ADAMTS9: variants seen among roughly 807,000 people sequenced by gnomAD.
ADAMTS9 encodes A disintegrin and metalloproteinase with thrombospondin motifs 9.
In ADAMTS9, 107 loss-of-function variants were observed where a neutral mutation model predicts 257.1. The observed-to-expected ratio is 0.42, with a 90% CI of 0.36 to 0.49. The LOEUF (loss-of-function observed/expected upper bound fraction) is 0.49. ADAMTS9 is among the 20% of genes least tolerant of loss of function. The pLI is 0.03. For missense variants in ADAMTS9, 2,353 were observed against 2,469.1 expected (o/e 0.95, Z 1.00); for synonymous variants, 982 against 880.9 (o/e 1.11, Z -2.03).
intron 23 of ADAMTS9, among the ~76,000 whole-genome samples, chr3:64,604,852 A>G (rs576918942): frequency 1.1e-4 from 16 of 152,366 alleles, no homozygotes; most frequent in Non-Finnish European, 1.9e-4. Flanking sequence ...GACTTCATAT[A>G]ACACCCCTCA....
At position 64,516,774 on chromosome 3, in the gene ADAMTS9, T is replaced by C. The variant is rs1010988343; in HGVS notation, c.*353A>G. The stretch of plus-strand genomic sequence containing the variant: ...CAATAAAACATTTACAGATGAAAAG[T>C]AAACAATAGTGTACCGTGATAATGA... On this transcript the variant is annotated 3_prime_UTR_variant, in exon 40 of 40. Transcript: ENST00000498707. 1.3e-5 allele frequency: 2 copies of C among 152,614 alleles called. No individual in the cohort carries two copies. The highest frequency in any genetic ancestry group is 1.3e-4 in the Admixed American group (2 of 15,276). The allele number at this position is 152,614 out of a possible 1,614,324, so 9.5% of individuals were successfully genotyped here.
chr3:64,671,471 A>T (rs1701485922), intron 3 of ADAMTS9, among the ~76,000 whole-genome samples: 1 of 152,220 alleles, frequency 6.6e-6, no homozygotes, highest in South Asian at 2.1e-4. Context: ...AGAAAAATGG[A>T]AGGAAAACAC....
intron 30 of ADAMTS9, among the ~76,000 whole-genome samples, chr3:64,559,760 T>G (rs2083389194): frequency 6.6e-6 from 1 of 152,242 alleles, no homozygotes; most frequent in African/African-American, 2.4e-5. Context: ...TTCTTCGGGA[T>G]GCAAAAGGAA....
intron 21 of ADAMTS9, among the ~76,000 whole-genome samples, 183 bp from the exon 22 acceptor site, chr3:64,613,692 C>A (rs2084710465): frequency 6.6e-6 from 1 of 152,078 alleles, no homozygotes; most frequent in South Asian, 2.1e-4. Flanking sequence ...TTCATTCATT[C>A]TATATTTATA....
intron 29 of ADAMTS9, among the ~76,000 whole-genome samples, chr3:64,563,691 G>A (rs1457837636): frequency 6.6e-6 from 1 of 152,156 alleles, no homozygotes; most frequent in Non-Finnish European, 1.5e-5. Flanking sequence ...TAAGACACAG[G>A]AAAGTTCAAT....
At chr3:64,648,179 T>C in intron 10 of ADAMTS9, 135 bp from the exon 11 acceptor site, 1 of 769,236 alleles carries the variant, frequency 1.3e-6, no homozygotes, top group Non-Finnish European at 2.1e-6. Flanking sequence ...TTTCTTGGTA[T>C]GATAAATGCT....
chr3:64,530,138 T>G (rs2082958938), intron 38 of ADAMTS9, among the ~76,000 whole-genome samples: 1 of 152,016 alleles, frequency 6.6e-6, no homozygotes, highest in Admixed American at 6.6e-5. Context: ...GCTTGTGTTT[T>G]CACAAGCCCT....
intron 38 of ADAMTS9, among the ~76,000 whole-genome samples, chr3:64,525,184 T>C (rs549683868): frequency 2.6e-5 from 4 of 152,308 alleles, no homozygotes; most frequent in East Asian, 1.9e-4. Context: ...ATACGAAATA[T>C]ACATTTGTTA....
intron 4 of ADAMTS9, among the ~76,000 whole-genome samples, chr3:64,656,841 T>A (rs534076775): frequency 6.6e-6 from 1 of 151,624 alleles, no homozygotes; most frequent in Non-Finnish European, 1.5e-5. Flanking sequence ...AGGAGTACCA[T>A]AGGCCACAAG....
intron 19 of ADAMTS9, 109 bp from the exon 20 acceptor site, chr3:64,616,279 C>T (rs1032568749): frequency 1.9e-5 from 23 of 1,193,898 alleles, no homozygotes; most frequent in South Asian, 1.8e-4. Context: ...TTTCTTAACT[C>T]GAATACCATG....
chr3:64,614,103 AT>A, intron 21 of ADAMTS9, among the ~76,000 whole-genome samples: 1 of 152,328 alleles, frequency 6.6e-6, no homozygotes, highest in African/African-American at 2.4e-5. Flanking sequence ...CATTATCAAT[AT>A]TTTATTATTT....
At chr3:64,640,096 A>G (rs1400432543) in intron 12 of ADAMTS9, among the ~76,000 whole-genome samples, 2 of 152,346 alleles carry the variant, frequency 1.3e-5, no homozygotes, top group African/African-American at 4.8e-5. Flanking sequence ...GGCTATATAG[A>G]AAATCTAAGG....
intron 3 of ADAMTS9, among the ~76,000 whole-genome samples, chr3:64,667,483 T>G (rs922315384): frequency 1.3e-5 from 2 of 151,976 alleles, no homozygotes; most frequent in African/African-American, 4.8e-5. Flanking sequence ...GAGAAGGGCG[T>G]GCGAGTGGAA....
intron 25 of ADAMTS9, 71 bp downstream of exon 25, chr3:64,603,851 C>A (rs1451176326): frequency 8.5e-6 from 13 of 1,527,072 alleles, no homozygotes; most frequent in South Asian, 8.4e-5. Context: ...GTGGCGCCCC[C>A]CTCCGCTGAC....
chr3:64,556,514 G>A (rs955807140), intron 30 of ADAMTS9, among the ~76,000 whole-genome samples: 20 of 152,124 alleles, frequency 1.3e-4, no homozygotes, highest in Admixed American at 1.3e-3. Flanking sequence ...TAGAGATGGA[G>A]TCTCACTATG....
rs377020672 is a variant in ADAMTS9 at position 64,570,474 on chromosome 3, G to A, written c.4357-1939C>T. Among the ~76,000 whole-genome samples, 12 of 152,180 alleles carry A rather than the reference G, an allele frequency of 7.9e-5. No homozygotes were observed. In the East Asian group the frequency reaches 2.3e-3, roughly 29 times the overall value. ...ACTGAAGAGTTTCAAGTCAGAGTAA[G>A]ACATGGTCTGATTTTTGTTTCAAAA... is the stretch of plus-strand genomic sequence containing the variant. On this transcript the variant is annotated intron_variant, in intron 28 of 39. Coordinates refer to ENST00000498707, the MANE Select transcript of ADAMTS9 (RefSeq NM_182920.2).
Position 64,686,899 on chromosome 3 carries a change from G to A in ADAMTS9, c.185C>T (p.Pro62Leu). ...SPIRVNALGEPFPTNVHFKRT... is the reference protein window; with the variant it reads ...SPIRVNALGELFPTNVHFKRT... The stretch of plus-strand genomic sequence containing the variant: ...TTTGAAGTGGACGTTCGTGGGAAAG[G>A]GTTCTCCGAGAGCGTTCACTCGGAT... The change falls in exon 2 of 40, where the codon CCC becomes CTC. Residue 62 changes from proline (P) to leucine (L), a missense_variant. This residue lies in a region of ADAMTS9 where 591 missense variants were observed against 569.6 expected (regional missense o/e 1.04). Transcript: ENST00000498707. This position sits in a 1 kb window ranked among gnomAD's most constrained non-coding sequence, Gnocchi z 4.6. The A allele has an allele frequency of 6.2e-7, 1 of 1,614,172 alleles. No homozygotes were observed. The highest frequency in any genetic ancestry group is 8.5e-7 in the Non-Finnish European group (1 of 1,180,034).
At chr3:64,578,069 A>G (rs539617008) in intron 28 of ADAMTS9, among the ~76,000 whole-genome samples, 9 of 152,224 alleles carry the variant, frequency 5.9e-5, no homozygotes, top group Non-Finnish European at 1.2e-4. Flanking sequence ...ATTAATGCCA[A>G]CTCCAGAACT....
intron 3 of ADAMTS9, among the ~76,000 whole-genome samples, chr3:64,678,261 C>A (rs538643177): frequency 6.6e-6 from 1 of 152,288 alleles, no homozygotes; most frequent in Admixed American, 6.5e-5. Flanking sequence ...TTGGCCTAGA[C>A]AAGACTGCTA....
Sources: gnomAD v4.1 joint callset for allele counts (sites outside exome capture counted in the v4.1 genomes callset) on GRCh38, gnomAD v4.1.1 for gene constraint, gnomAD v4.1.1 regional missense constraint, Gnocchi (gnomAD v3.1) non-coding constraint, MANE v1.5 for transcripts, NCBI Gene and HGNC (gene_info 2026-07-23, HGNC 2026-07-21) for gene names.